SPMAP2: variants seen among roughly 807,000 people sequenced by gnomAD.
The protein encoded by SPMAP2 is sperm microtubule associated protein 2, also known as Theg homolog.
the SPMAP2 span, among the ~76,000 whole-genome samples, chr19:371,537 A>G: frequency 8.7e-4 from 132 of 152,268 alleles, no homozygotes; most frequent in African/African-American, 3.1e-3. Context: ...AGGGATTCGT[A>G]AAGAATTTCT....
the SPMAP2 span, among the ~76,000 whole-genome samples, chr19:369,816 AC>A: frequency 6.6e-6 from 1 of 152,186 alleles, no homozygotes; most frequent in Non-Finnish European, 1.5e-5. Context: ...AGGGTGGGGG[AC>A]ATTACAAAGT....
the SPMAP2 span, among the ~76,000 whole-genome samples, chr19:367,533 T>C: frequency 6.6e-6 from 1 of 152,142 alleles, no homozygotes; most frequent in African/African-American, 2.4e-5. Flanking sequence ...AACAACAAAA[T>C]ATCACTCCAC....
chr19:373,393 T>C, the SPMAP2 span: 1 of 1,412,058 alleles, frequency 7.1e-7, no homozygotes, highest in East Asian at 2.3e-5. Flanking sequence ...GCCAGAAGTA[T>C]CTAGATGGGG....
chr19:363,005 G>A, the SPMAP2 span, among the ~76,000 whole-genome samples: 5 of 152,122 alleles, frequency 3.3e-5, no homozygotes, highest in Non-Finnish European at 5.9e-5. Context: ...GTCCAGGACA[G>A]GCCAATCCAG....
At chr19:364,118 G>A in the SPMAP2 span, among the ~76,000 whole-genome samples, 2 of 150,854 alleles carry the variant, frequency 1.3e-5, no homozygotes, top group Non-Finnish European at 3.0e-5. Flanking sequence ...CGGATCACAA[G>A]GTCAGGAGAT....
chr19:375,526 C>A, the SPMAP2 span: 1 of 971,606 alleles, frequency 1.0e-6, no homozygotes, highest in African/African-American at 1.7e-5. Context: ...CAGGGCCGGG[C>A]CCCTCGGGAG....
the SPMAP2 span, among the ~76,000 whole-genome samples, chr19:368,483 G>A: frequency 6.1e-5 from 9 of 147,390 alleles, no homozygotes; most frequent in East Asian, 1.1e-3. The surrounding 1 kb of genome is among the most constrained non-coding windows in gnomAD (Gnocchi z 4.1). Context: ...GGGAGGGAGG[G>A]AGGGAGGGAA....
the SPMAP2 span, among the ~76,000 whole-genome samples, chr19:372,155 T>C: frequency 2.0e-5 from 3 of 151,964 alleles, no homozygotes; most frequent in South Asian, 6.2e-4. Context: ...ACTTCAGCTG[T>C]GCTTTCCTTC....
the SPMAP2 span, chr19:374,048 G>A: frequency 6.2e-7 from 1 of 1,600,648 alleles, no homozygotes; most frequent in Non-Finnish European, 8.5e-7. Context: ...ACTGCCTCTT[G>A]CCCTGGGTCT....
chr19:373,556 C>T, the SPMAP2 span: 3 of 1,610,480 alleles, frequency 1.9e-6, no homozygotes, highest in African/African-American at 4.0e-5. Flanking sequence ...CGGCTCAGGG[C>T]AAGGGAGGCA....
At chr19:365,537 GCA>G in the SPMAP2 span, among the ~76,000 whole-genome samples, 10 of 69,676 alleles carry the variant, frequency 1.4e-4, no homozygotes. Flanking sequence ...GCAAGTGTGA[GCA>G]CACACACACA....
At chr19:374,336 C>A in the SPMAP2 span, 1 of 1,614,122 alleles carries the variant, frequency 6.2e-7, no homozygotes, top group African/African-American at 1.3e-5. Context: ...TTGGGCTCTG[C>A]CAGCTCCATG....
chr19:374,080 C>T, the SPMAP2 span: 1 of 1,553,736 alleles, frequency 6.4e-7, no homozygotes, highest in Non-Finnish European at 8.8e-7. Flanking sequence ...CCAAACTCCT[C>T]ACTCTCCTTT....
At chr19:374,234 C>CG in the SPMAP2 span, 1 of 1,592,918 alleles carries the variant, frequency 6.3e-7, no homozygotes, top group Non-Finnish European at 8.6e-7. Context: ...AGGAGGAGCC[C>CG]GGGAAGGGTG....
At chr19:372,828 C>T in the SPMAP2 span, 1 of 849,672 alleles carries the variant, frequency 1.2e-6, no homozygotes, top group South Asian at 1.5e-5. Context: ...GAACTGTGGG[C>T]AGAGACAACT....
At chr19:365,201 G>A in the SPMAP2 span, among the ~76,000 whole-genome samples, 4 of 152,214 alleles carry the variant, frequency 2.6e-5, no homozygotes, top group Non-Finnish European at 5.9e-5. Context: ...TGGTACAGGT[G>A]TGAGTGCTTC....
At chr19:374,331 C>T in the SPMAP2 span, 9 of 1,614,118 alleles carry the variant, frequency 5.6e-6, no homozygotes, top group Non-Finnish European at 6.8e-6. Flanking sequence ...TTATCTTGGG[C>T]TCTGCCAGCT....
the SPMAP2 span, among the ~76,000 whole-genome samples, chr19:368,973 A>C: frequency 6.6e-6 from 1 of 152,192 alleles, no homozygotes; most frequent in South Asian, 2.1e-4. The surrounding 1 kb of genome is among the most constrained non-coding windows in gnomAD (Gnocchi z 4.1). Flanking sequence ...CGTTGCTCAG[A>C]CAAGTGGGAA....
chr19:362,066 AAAAT>A, the SPMAP2 span: 1 of 580,698 alleles, frequency 1.7e-6, no homozygotes, highest in South Asian at 5.4e-5. Flanking sequence ...GTTGGATGCA[AAAAT>A]AAATATTATT....
Sources: allele counts gnomAD v4.1 joint callset (sites outside exome capture counted in the v4.1 genomes callset), GRCh38; gene constraint gnomAD v4.1.1; non-coding constraint Gnocchi (gnomAD v3.1); transcripts MANE v1.5; gene names NCBI Gene and HGNC (gene_info 2026-07-23, HGNC 2026-07-21).